Variants in MAPK10 observed in about 807,000 individuals in gnomAD.
MAPK10 encodes mitogen-activated protein kinase 10.
MAPK10 carries 25 observed loss-of-function variants against 59.3 expected under a neutral mutation model. That is an observed-to-expected ratio of 0.42 (90% CI 0.31 to 0.59). The LOEUF is 0.59. Ranked by LOEUF, MAPK10 falls within the 20% of genes least tolerant of loss-of-function variation. The probability of loss-of-function intolerance (pLI) is 0.15; values close to 1 mark genes in which losing one functional copy is unlikely to be tolerated. For synonymous variants in MAPK10, 190 were observed against 200.5 expected (o/e 0.95, Z 0.44); for missense variants, 351 against 568.9 (o/e 0.62, Z 3.90).
intron 2 of MAPK10, among the ~76,000 whole-genome samples, chr4:86,230,960 G>A (rs2091446671): frequency 6.6e-6 from 1 of 152,136 alleles, no homozygotes; most frequent in Non-Finnish European, 1.5e-5. Context: ...TCTAGACCGG[G>A]GATAACTGGA....
chr4:86,488,092 G>C (rs997580978), intron 1 of MAPK10, among the ~76,000 whole-genome samples: 3 of 152,072 alleles, frequency 2.0e-5, no homozygotes, highest in Non-Finnish European at 2.9e-5. Flanking sequence ...TCCACTTGCC[G>C]TCTTAATTCA....
At chr4:86,225,469 G>T (rs1470692798) in intron 2 of MAPK10, among the ~76,000 whole-genome samples, 1 of 152,046 alleles carries the variant, frequency 6.6e-6, no homozygotes, top group Admixed American at 6.6e-5. Context: ...CTGAAAGCTT[G>T]TGTGTGGTTC....
At chr4:86,360,508 G>T (rs1047528233), upstream of MAPK10, among the ~76,000 whole-genome samples, 2 of 152,132 alleles carry the variant, frequency 1.3e-5, no homozygotes, top group South Asian at 2.1e-4. Context: ...CCTGAACCCC[G>T]AGGTCATCTG....
intron 1 of MAPK10, among the ~76,000 whole-genome samples, chr4:86,580,665 CTAAA>C (rs1448331522): frequency 6.6e-6 from 1 of 151,960 alleles, no homozygotes; most frequent in African/African-American, 2.4e-5. Context: ...TGCTAAAAAC[CTAAA>C]TAATCACATT....
intron 11 of MAPK10, 118 bp from the exon 12 acceptor site, chr4:86,031,549 T>C (rs1048026521): frequency 2.5e-5 from 17 of 682,088 alleles, no homozygotes; most frequent in African/African-American, 5.4e-5. Context: ...GTATATAAGT[T>C]ATGAGGAAAT....
chr4:86,152,882 G>T (rs1280632536), intron 4 of MAPK10, among the ~76,000 whole-genome samples: 1 of 152,170 alleles, frequency 6.6e-6, no homozygotes, highest in African/African-American at 2.4e-5. Flanking sequence ...ATTGCCACCT[G>T]TTATTTAGCA....
At chr4:86,101,249 GC>G (rs753515673) in intron 7 of MAPK10, 32 bp from the exon 8 acceptor site, 1 of 1,561,618 alleles carries the variant, frequency 6.4e-7, no homozygotes, top group Non-Finnish European at 8.8e-7. Flanking sequence ...AAAATTAAAA[GC>G]CAGTATCAAG....
chr4:86,174,431 C>A (rs115451919), intron 3 of MAPK10, among the ~76,000 whole-genome samples: 1 of 151,940 alleles, frequency 6.6e-6, no homozygotes, highest in African/African-American at 2.4e-5. Context: ...AGCACATGGA[C>A]GCAGGGAGGG....
intron 2 of MAPK10, among the ~76,000 whole-genome samples, chr4:86,250,845 G>C (rs1316704025): frequency 3.3e-5 from 5 of 152,154 alleles, no homozygotes; most frequent in Non-Finnish European, 5.9e-5. Flanking sequence ...ACAGCCAGGG[G>C]ACATGACAGA....
chr4:86,445,180 C>T (rs1749891501), intron 1 of MAPK10, among the ~76,000 whole-genome samples: 1 of 152,056 alleles, frequency 6.6e-6, no homozygotes, highest in African/African-American at 2.4e-5. Flanking sequence ...AAATGCCCAT[C>T]AATGATAAAC....
chr4:86,252,199 G>T (rs2093477260), intron 2 of MAPK10, among the ~76,000 whole-genome samples: 1 of 125,646 alleles, frequency 8.0e-6, no homozygotes, highest in South Asian at 2.3e-4. Flanking sequence ...TGTCAATTTT[G>T]GCTTTGGTTG....
At chr4:86,499,730 T>C (rs1413808764) in intron 1 of MAPK10, among the ~76,000 whole-genome samples, 1 of 152,218 alleles carries the variant, frequency 6.6e-6, no homozygotes, top group African/African-American at 2.4e-5. Flanking sequence ...TAGTGATGTA[T>C]CCAGCTAAAG....
At chr4:86,492,719 A>G (rs560515087) in intron 1 of MAPK10, among the ~76,000 whole-genome samples, 1 of 152,358 alleles carries the variant, frequency 6.6e-6, no homozygotes, top group East Asian at 1.9e-4. Context: ...TAAAATTACC[A>G]TGGTGGATGA....
In MAPK10 at chr4:86,354,640, C is replaced by G; in HGVS notation, c.-117G>C. ...GGGCCTGCTGTTGGTGTTTCTCACACTAGCCTGAAAGCAAAGCCAAAAAAC... is the reference window on the plus strand; with the variant it reads ...GGGCCTGCTGTTGGTGTTTCTCACAGTAGCCTGAAAGCAAAGCCAAAAAAC... On this transcript the variant is annotated 5_prime_UTR_variant, in exon 2 of 14. Coordinates refer to ENST00000641462, the MANE Select transcript of MAPK10 (RefSeq NM_138982.4). The G allele has an allele frequency of 8.3e-7, 1 of 1,208,410 alleles. No individual in the cohort carries two copies. Among genetic ancestry groups the G allele is most frequent in the Non-Finnish European group, 1.0e-6 (1 of 966,464 alleles). The allele number at this position is 1,208,410 out of a possible 1,614,324, so 74.9% of individuals were successfully genotyped here. A position where few individuals can be genotyped will look rare whatever the true frequency, so the allele number is the denominator to read the frequency against.
chr4:86,459,405 G>A (rs1242413465), intron 1 of MAPK10, among the ~76,000 whole-genome samples: 1 of 152,206 alleles, frequency 6.6e-6, no homozygotes, highest in Non-Finnish European at 1.5e-5. Flanking sequence ...CCACTACTGG[G>A]TATCTCTCCA....
At chr4:86,281,586 C>G (rs755927411) in intron 2 of MAPK10, among the ~76,000 whole-genome samples, 70 of 152,030 alleles carry the variant, frequency 4.6e-4, no homozygotes, top group Non-Finnish European at 7.8e-4. Flanking sequence ...AGTTTTGCTT[C>G]TGAAAATGTG....
At chr4:86,142,260 T>C (rs928328748) in intron 4 of MAPK10, among the ~76,000 whole-genome samples, 1 of 152,178 alleles carries the variant, frequency 6.6e-6, no homozygotes, top group Non-Finnish European at 1.5e-5. Context: ...TATGCTAATG[T>C]TTATGCATCG....
Position 86,103,075 on chromosome 4 carries a change from C to CTGTGTA in MAPK10, c.425+110_425+111insTACACA, listed in dbSNP as rs1553989215. On this transcript the variant is annotated intron_variant, in intron 6 of 13. Transcript: ENST00000641462. Reference sequence around the variant, plus strand: ...TTGAGCAGTATAAGGGATTTCAACTCTGTGTGTGTGTGTGTGTGTGTGTGT... The same window carrying CTGTGTA: ...TTGAGCAGTATAAGGGATTTCAACTCTGTGTATGTGTGTGTGTGTGTGTGTGTGTGT... The CTGTGTA allele has an allele frequency of 7.9e-3, 3,928 of 498,566 alleles. 12 individuals carry two copies. The highest frequency in any genetic ancestry group is 0.018 in the South Asian group (832 of 47,326). The allele number at this position is 498,566 out of a possible 1,614,324, so 30.9% of individuals were successfully genotyped here.
At position 86,101,972 on chromosome 4, in the gene MAPK10, G is replaced by T; in HGVS notation, c.486C>A (p.Asp162Glu). Residue 162 changes from aspartate to glutamate, a missense_variant, in exon 7 of 14, where the codon GAC becomes GAA. Asp to Glu is a conservative substitution (Grantham distance 45). This residue lies in a region of MAPK10 where 76 missense variants were observed against 197.9 expected (regional missense o/e 0.38). Transcript: ENST00000641462. Reference protein sequence around the residue: ...NLCQVIQMELDHERMSYLLYQ... With the variant: ...NLCQVIQMELEHERMSYLLYQ... Reference sequence around the variant, plus strand: ...ACAGCAGGTAAGACATTCGCTCATGGTCTAATTCCATCTGAATCACTTGAC... The same window carrying T: ...ACAGCAGGTAAGACATTCGCTCATGTTCTAATTCCATCTGAATCACTTGAC... 6.2e-7 allele frequency: 1 copy of T among 1,613,884 alleles called. No individual in the cohort carries two copies.
Sources: allele counts gnomAD v4.1 joint callset (sites outside exome capture counted in the v4.1 genomes callset), GRCh38; gene constraint gnomAD v4.1.1; regional missense constraint gnomAD v4.1.1; transcripts MANE v1.5; gene names NCBI Gene and HGNC (gene_info 2026-07-23, HGNC 2026-07-21).